The following PPFIA3 variants were observed in gnomAD, a reference collection of about 807,000 sequenced individuals.
PPFIA3 encodes liprin-alpha-3.
In PPFIA3, 26 loss-of-function variants were observed where a neutral mutation model predicts 145.8. The observed-to-expected ratio is 0.18, with a 90% CI of 0.13 to 0.25. PPFIA3 has a LOEUF of 0.25. PPFIA3 is among the 10% of genes least tolerant of loss of function. The probability of loss-of-function intolerance (pLI) is 1.00; values close to 1 mark genes in which losing one functional copy is unlikely to be tolerated. For missense variants in PPFIA3, 1,008 were observed against 1,587.8 expected (o/e 0.63, Z 6.21); for synonymous variants, 645 against 661.4 (o/e 0.98, Z 0.38).
intron 1 of PPFIA3, among the ~76,000 whole-genome samples, chr19:49,121,916 C>T (rs2040940716): frequency 6.6e-6 from 1 of 151,856 alleles, no homozygotes; most frequent in Non-Finnish European, 1.5e-5. Flanking sequence ...GGATTACAGG[C>T]ATGGCCATCG....
chr19:49,146,122 C>G lies in PPFIA3; in HGVS notation c.2809-44C>G. ...CTCCTTGCGTCCTCCTCTGCCTGCCCCTTAACTCACCCCTTCTCTCCCCTC... is the reference window on the plus strand; with the variant it reads ...CTCCTTGCGTCCTCCTCTGCCTGCCGCTTAACTCACCCCTTCTCTCCCCTC... On this transcript the variant is annotated intron_variant, in intron 22 of 29. Transcript: ENST00000334186. 1.9e-6 allele frequency: 3 copies of G among 1,613,488 alleles called. 1 individual carries two copies. Among genetic ancestry groups the G allele is most frequent in the Non-Finnish European group, 2.5e-6 (3 of 1,179,420 alleles).
At chr19:49,136,007 G>A (rs2041133496) in intron 14 of PPFIA3, 84 bp downstream of exon 14, 1 of 1,384,908 alleles carries the variant, frequency 7.2e-7, no homozygotes, top group Admixed American at 2.9e-5. Flanking sequence ...TGGGGCTCCG[G>A]GAGGAAGCTG....
chr19:49,146,266 C>A, intron 23 of PPFIA3, 74 bp downstream of exon 23: 1 of 1,530,748 alleles, frequency 6.5e-7, no homozygotes, highest in Non-Finnish European at 8.9e-7. Context: ...CCTCCGAGCC[C>A]TGCCCCTGCC....
chr19:49,128,258 A>T lies in PPFIA3; in HGVS notation c.241-109A>T. 2 of 1,491,152 alleles carry T rather than the reference A, an allele frequency of 1.3e-6. No homozygotes were observed. The highest frequency in any genetic ancestry group is 1.9e-6 in the Non-Finnish European group (2 of 1,079,584). The allele number at this position is 1,491,152 out of a possible 1,614,324, so 92.4% of individuals were successfully genotyped here. On this transcript the variant is annotated intron_variant, in intron 2 of 29. Transcript: ENST00000334186. This position sits in a 1 kb window ranked among gnomAD's most constrained non-coding sequence, Gnocchi z 4.1. ...GGGCGGGGCCTGAGTGGCAAGGGAC[A>T]GCGGGACTTAGCAGGGAGGGCGGGA...
At chr19:49,135,415 T>C (rs1215607304) in intron 13 of PPFIA3, among the ~76,000 whole-genome samples, 1 of 151,996 alleles carries the variant, frequency 6.6e-6, no homozygotes, top group Non-Finnish European at 1.5e-5. Flanking sequence ...CTCTGCTGCC[T>C]GGGCTAGAGT....
intron 7 of PPFIA3, among the ~76,000 whole-genome samples, chr19:49,132,390 CAAAAAAA>C (rs11351172): frequency 1.9e-3 from 85 of 43,666 alleles, no homozygotes; most frequent in African/African-American, 4.6e-3. Context: ...CTCTCTCTCT[CAAAAAAA>C]AAAAAAAAAA....
In PPFIA3 at chr19:49,149,871, G is replaced by A; in HGVS notation, c.3526+153G>A. 8.6e-7 allele frequency: 1 copy of A among 1,158,506 alleles called. No individual in the cohort carries two copies. The highest frequency in any genetic ancestry group is 1.2e-6 in the Non-Finnish European group (1 of 837,124). The allele number at this position is 1,158,506 out of a possible 1,614,324, so 71.8% of individuals were successfully genotyped here. The stretch of plus-strand genomic sequence containing the variant: ...ACGTTCCGGACTCCCCCGTCAGGAT[G>A]AAATGGATAAATCCCACTCCCCCTT... On this transcript the variant is annotated intron_variant, in intron 28 of 29. Transcript: ENST00000334186. This position sits in a 1 kb window ranked among gnomAD's most constrained non-coding sequence, Gnocchi z 5.7.
At position 49,120,952 on chromosome 19, in the gene PPFIA3, C is replaced by T. The variant is rs1047130239; in HGVS notation, c.-16+1230C>T. Among the ~76,000 whole-genome samples, 6 of 152,186 alleles carry T rather than the reference C, an allele frequency of 3.9e-5. No individual in the cohort carries two copies. Among genetic ancestry groups the T allele is most frequent in the African/African-American group, 1.2e-4 (5 of 41,450 alleles). On this transcript the variant is annotated intron_variant, in intron 1 of 29. Coordinates refer to ENST00000334186, the MANE Select transcript of PPFIA3 (RefSeq NM_003660.4). The surrounding 1 kb of genome is among the most constrained non-coding windows in gnomAD (Gnocchi z 4.6). ...CCAGGCTCCCAGCTCTGTCCACTGC[C>T]CTCCCCAGCAGGTATCTAGTTTCTC... is the stretch of plus-strand genomic sequence containing the variant.
intron 24 of PPFIA3, 137 bp from the exon 25 acceptor site, chr19:49,148,529 G>T: frequency 1.3e-6 from 1 of 785,718 alleles, no homozygotes. Context: ...CACCTCCTGA[G>T]GGGGTCAACA....
At position 49,130,758 on chromosome 19, in the gene PPFIA3, A is replaced by G. The variant is rs1022014969; in HGVS notation, c.879+159A>G. Among the ~76,000 whole-genome samples the G allele has an allele frequency of 2.0e-5, 3 of 152,202 alleles. No homozygotes were observed. The highest frequency in any genetic ancestry group is 4.8e-5 in the African/African-American group (2 of 41,448). On this transcript the variant is annotated intron_variant, in intron 7 of 29. Coordinates refer to ENST00000334186, the MANE Select transcript of PPFIA3 (RefSeq NM_003660.4). This position sits in a 1 kb window ranked among gnomAD's most constrained non-coding sequence, Gnocchi z 4.5. ...TCCCACCTGTGAAAGGAAATGTATG[A>G]TTCTCATCAGAGGGTGAGCCTGTGG...
In PPFIA3 at chr19:49,149,570, C is replaced by G. The variant is rs2041320730; in HGVS notation, c.3378C>G (p.Arg1126=). The G allele has an allele frequency of 6.2e-7, 1 of 1,614,102 alleles. No individual in the cohort carries two copies. The highest frequency in any genetic ancestry group is 8.5e-7 in the Non-Finnish European group (1 of 1,180,042). The part of the protein sequence containing the change: ...LDEDSAKSFS[R]SPSWRKMFRE... ...AGGACAGCGCCAAGTCTTTCAGCCG[C>G]TCCCCATCCTGGCGGAAGATGTTCC... Residue 1126 remains arginine, a synonymous_variant, in exon 28 of 30, where the codon CGC becomes CGG. Transcript: ENST00000334186. The surrounding 1 kb of genome is among the most constrained non-coding windows in gnomAD (Gnocchi z 5.7).
Position 49,139,964 on chromosome 19 carries a change from G to C in PPFIA3, c.2244G>C (p.Glu748Asp). The change falls in exon 18 of 30, where the codon GAG becomes GAC. Residue 748 changes from glutamate (E) to aspartate (D), a missense_variant. Glu to Asp is a conservative substitution (Grantham distance 45). Coordinates refer to ENST00000334186, the MANE Select transcript of PPFIA3 (RefSeq NM_003660.4). ...TCATTCTCTCCTGCTTTCCCAGTGAGGGCACCCCAGATTCTCTGCACAAAG... is the reference window on the plus strand; with the variant it reads ...TCATTCTCTCCTGCTTTCCCAGTGACGGCACCCCAGATTCTCTGCACAAAG... ...LEDGGPPRGS[E>D]GTPDSLHKAP... 6.2e-7 allele frequency: 1 copy of C among 1,614,132 alleles called. No homozygotes were observed. Among genetic ancestry groups the C allele is most frequent in the Non-Finnish European group, 8.5e-7 (1 of 1,180,032 alleles).
Position 49,133,937 on chromosome 19 carries a change from TAAG to T in PPFIA3, c.1245+59_1245+61del, listed in dbSNP as rs1373482262. 1.7e-5 allele frequency: 27 copies of T among 1,607,116 alleles called. No homozygotes were observed. In the East Asian group the frequency reaches 2.9e-4, roughly 17 times the overall value. ...GCTTCGAGGCTGGGGCGGAGCTTAA[TAAG>T]GAGGCTGGGCTGGGCCCGGGGGTGG... On this transcript the variant is annotated intron_variant, in intron 10 of 29. Coordinates refer to ENST00000334186, the MANE Select transcript of PPFIA3 (RefSeq NM_003660.4). This position sits in a 1 kb window ranked among gnomAD's most constrained non-coding sequence, Gnocchi z 7.2.
At chr19:49,141,598 ATGAGTGTGTG>A in intron 19 of PPFIA3, 85 bp downstream of exon 19, 1 of 1,064,498 alleles carries the variant, frequency 9.4e-7, no homozygotes, top group Non-Finnish European at 1.4e-6. Flanking sequence ...ATGTGTGTGT[ATGAGTGTGTG>A]TGTGTGTGAG....
chr19:49,143,174 C>T (rs2041243898), intron 21 of PPFIA3, among the ~76,000 whole-genome samples, 170 bp downstream of exon 21: 1 of 152,190 alleles, frequency 6.6e-6, no homozygotes. Context: ...GTGGTCCGTC[C>T]CTGTGGTACT....
intron 11 of PPFIA3, 131 bp from the exon 12 acceptor site, chr19:49,134,508 A>G: frequency 1.2e-6 from 1 of 867,674 alleles, no homozygotes; most frequent in African/African-American, 1.7e-5. Flanking sequence ...CTCCCCCGAA[A>G]CTCACCACTT....
intron 16 of PPFIA3, 59 bp downstream of exon 16, chr19:49,138,486 G>A: frequency 7.2e-7 from 1 of 1,380,232 alleles, no homozygotes; most frequent in Admixed American, 2.4e-5. Context: ...CAGAGGCAGG[G>A]CTCCCCAGTG....
In PPFIA3 at chr19:49,127,944, C is replaced by T. The variant is rs1432475217; in HGVS notation, c.71C>T (p.Ala24Val). The T allele has an allele frequency of 6.3e-7, 1 of 1,594,104 alleles. No individual in the cohort carries two copies. Among genetic ancestry groups the T allele is most frequent in the Admixed American group, 1.7e-5 (1 of 59,778 alleles). ...GGCTCGGCGCTGGGCCCGGACGAGG[C>T]GGGCGGGGAGCTGGAGCGCCTCATG... is the stretch of plus-strand genomic sequence containing the variant. ...RRGSALGPDEAGGELERLMVT... is the reference protein window; with the variant it reads ...RRGSALGPDEVGGELERLMVT... The change falls in exon 2 of 30, where the codon GCG becomes GTG. Residue 24 changes from alanine to valine, a missense_variant. By Grantham distance (64) the Ala-to-Val change is moderately conservative. Transcript: ENST00000334186.
At chr19:49,139,875 G>A in intron 17 of PPFIA3, 44 bp downstream of exon 17, 1 of 1,611,012 alleles carries the variant, frequency 6.2e-7, no homozygotes, top group South Asian at 1.1e-5. Context: ...GCTGGCTTGG[G>A]AAGATGAGAA....
Sources: allele counts gnomAD v4.1 joint callset (sites outside exome capture counted in the v4.1 genomes callset), GRCh38; gene constraint gnomAD v4.1.1; non-coding constraint Gnocchi (gnomAD v3.1); transcripts MANE v1.5; gene names NCBI Gene and HGNC (gene_info 2026-07-23, HGNC 2026-07-21).